Variants in GFRA2 observed in about 807,000 individuals in gnomAD.
The protein encoded by GFRA2 is GDNF family receptor alpha 2.
In GFRA2, 17 loss-of-function variants were observed where a neutral mutation model predicts 48.3. The observed-to-expected ratio is 0.35, with a 90% CI of 0.24 to 0.53. The LOEUF is 0.53. GFRA2 is among the 20% of genes least tolerant of loss of function. The pLI, the probability that GFRA2 is intolerant of heterozygous loss-of-function variation, is 0.93. For synonymous variants in GFRA2, 305 were observed against 257.2 expected (o/e 1.19, Z -1.78); for missense variants, 660 against 637.3 (o/e 1.04, Z -0.38).
At chr8:21,738,054 CA>C (rs142006405) in intron 4 of GFRA2, among the ~76,000 whole-genome samples, 13,669 of 152,046 alleles carry the variant, frequency 0.09, 651 homozygotes, top group Middle Eastern at 0.15. Flanking sequence ...TTGGATTTGA[CA>C]TTTCCTCTTG....
chr8:21,733,643 AG>A (rs1455145151), intron 4 of GFRA2, among the ~76,000 whole-genome samples: 3 of 152,234 alleles, frequency 2.0e-5, no homozygotes, highest in Non-Finnish European at 4.4e-5. Flanking sequence ...CTCTAGTTAA[AG>A]TACATCTCTC....
At chr8:21,785,843 C>G (rs1428436599) in intron 1 of GFRA2, among the ~76,000 whole-genome samples, 2 of 152,140 alleles carry the variant, frequency 1.3e-5, no homozygotes, top group Non-Finnish European at 2.9e-5. Context: ...GCCTTTGCCC[C>G]CAGCTGAAAT....
At chr8:21,726,581 G>A (rs4308720) in intron 4 of GFRA2, among the ~76,000 whole-genome samples, 125,972 of 152,038 alleles carry the variant, frequency 0.83, 52,345 homozygotes, top group Admixed American at 0.86. Context: ...GGTGGCGCCC[G>A]GCATCCGTTG....
At chr8:21,720,279 C>T in intron 4 of GFRA2, among the ~76,000 whole-genome samples, 1 of 152,130 alleles carries the variant, frequency 6.6e-6, no homozygotes, top group East Asian at 1.9e-4. Flanking sequence ...GAGCAAGACT[C>T]CAGGCACCAA....
At chr8:21,788,915 C>T, upstream of GFRA2, 1 of 505,710 alleles carries the variant, frequency 2.0e-6, no homozygotes, top group Non-Finnish European at 2.6e-6. Flanking sequence ...CCCACTCTCC[C>T]TGCTCCTCCC....
intron 1 of GFRA2, among the ~76,000 whole-genome samples, chr8:21,787,275 T>C (rs995930268): frequency 1.3e-5 from 1 of 75,700 alleles, no homozygotes; most frequent in Admixed American, 1.3e-4. Context: ...GGGGGGGCAG[T>C]GGGGGGGGTT....
At chr8:21,803,117 A>G (rs1340530655) in intron 2 of GFRA2, among the ~76,000 whole-genome samples, 10 of 152,330 alleles carry the variant, frequency 6.6e-5, no homozygotes, top group African/African-American at 1.2e-4. Context: ...AACATGTTCA[A>G]TGTACTTTGG....
At chr8:21,732,373 C>T (rs910829213) in intron 4 of GFRA2, among the ~76,000 whole-genome samples, 2 of 152,246 alleles carry the variant, frequency 1.3e-5, no homozygotes, top group African/African-American at 4.8e-5. Context: ...GTGGGAAAGG[C>T]CACTGTCCTA....
intron 2 of GFRA2, chr8:21,781,027 G>A (rs1585335585): frequency 6.6e-6 from 1 of 152,040 alleles, no homozygotes; most frequent in Non-Finnish European, 1.5e-5. Flanking sequence ...TAGGGAGGCC[G>A]AGGCGGGCCG....
intron 4 of GFRA2, among the ~76,000 whole-genome samples, chr8:21,714,922 A>G (rs1191413361): frequency 6.6e-6 from 1 of 152,178 alleles, no homozygotes; most frequent in Non-Finnish European, 1.5e-5. Context: ...GGTTTCATAG[A>G]CAATTTATGG....
rs1801888064 is a variant in GFRA2 at position 21,691,689 on chromosome 8, G to A, written c.*1589C>T. 6.6e-6 allele frequency: 1 copy of A among 152,196 alleles called. No homozygotes were observed. Among genetic ancestry groups the A allele is most frequent in the Admixed American group, 6.5e-5 (1 of 15,274 alleles). 9.4% of individuals were successfully genotyped at this position (152,196 alleles called of 1,614,324 possible). ...ATGCCAAGCTGTGGCTCCCCACCAC[G>A]TCCACGTCCACTGCATTCTCTTCCA... On this transcript the variant is annotated 3_prime_UTR_variant, in exon 9 of 9. Transcript: ENST00000524240.
In GFRA2 at chr8:21,705,980, G is replaced by C. The variant is rs1254797027; in HGVS notation, c.856C>G (p.Pro286Ala). ...RASYQTVTSC[P>A]ADNYQACLGS... Reference sequence around the variant, plus strand: ...AGACACGCCTGGTAATTGTCCGCAGGGCAGCTGGTGACCGTCTGGTAGGAG... The same window carrying C: ...AGACACGCCTGGTAATTGTCCGCAGCGCAGCTGGTGACCGTCTGGTAGGAG... The change falls in exon 5 of 9, where the codon CCT becomes GCT. Residue 286 changes from proline (P) to alanine (A), a missense_variant. Physicochemically the swap from Pro to Ala is conservative, Grantham distance 27. Coordinates refer to ENST00000524240, the MANE Select transcript of GFRA2 (RefSeq NM_001495.5). 1 of 1,579,888 alleles carries C rather than the reference G, an allele frequency of 6.3e-7. No homozygotes were observed. The highest frequency in any genetic ancestry group is 8.6e-7 in the Non-Finnish European group (1 of 1,162,580).
upstream of GFRA2, chr8:21,789,100 A>T (rs376755695): frequency 0.1 from 14,175 of 138,462 alleles, 1,350 homozygotes; most frequent in African/African-American, 0.28. Flanking sequence ...GACAAGGCGA[A>T]GGCGGTGGCG....
rs200588275 is a variant in GFRA2 at position 21,758,205 on chromosome 8, C to G, written c.440-7263G>C. Among the ~76,000 whole-genome samples, 128 of 89,206 alleles carry G rather than the reference C, an allele frequency of 1.4e-3. 1 individual carries two copies. In the East Asian group the frequency reaches 0.048, roughly 33 times the overall value. 58.5% of individuals were successfully genotyped at this position (89,206 alleles called of 152,430 possible). A position where few individuals can be genotyped will look rare whatever the true frequency, so the allele number is the denominator to read the frequency against. On this transcript the variant is annotated intron_variant, in intron 3 of 8. Coordinates refer to ENST00000524240, the MANE Select transcript of GFRA2 (RefSeq NM_001495.5). Reference sequence around the variant, plus strand: ...AGCAGGGCTGCCCTTGGCCCACTCCCCACACACACACACACACACACACCT... The same window carrying G: ...AGCAGGGCTGCCCTTGGCCCACTCCGCACACACACACACACACACACACCT...
intron 4 of GFRA2, among the ~76,000 whole-genome samples, chr8:21,728,265 G>GTTTTTT (rs34490346): frequency 3.1e-5 from 2 of 65,310 alleles, no homozygotes; most frequent in Non-Finnish European, 5.4e-5. Context: ...CGGGAACCAG[G>GTTTTTT]TTTTTTTTTT....
intron 2 of GFRA2, among the ~76,000 whole-genome samples, chr8:21,798,602 A>T (rs925554587): frequency 7.9e-4 from 120 of 152,314 alleles, no homozygotes; most frequent in Non-Finnish European, 1.3e-3. Context: ...AGGGACAAGG[A>T]TGATCAAATG....
intron 2 of GFRA2, 30 bp from the exon 3 acceptor site, chr8:21,775,085 G>T: frequency 8.7e-7 from 1 of 1,150,324 alleles, no homozygotes; most frequent in Non-Finnish European, 1.3e-6. Flanking sequence ...TCAGATGCGG[G>T]CTCCTCCGGG....
intron 3 of GFRA2, among the ~76,000 whole-genome samples, chr8:21,763,779 T>A (rs1806021604): frequency 6.6e-6 from 1 of 151,304 alleles, no homozygotes; most frequent in African/African-American, 2.4e-5. Context: ...CCCTACCCTG[T>A]CCTCAATTCC....
chr8:21,724,584 T>C (rs1429727420), intron 4 of GFRA2, among the ~76,000 whole-genome samples: 2 of 152,096 alleles, frequency 1.3e-5, no homozygotes, highest in Non-Finnish European at 2.9e-5. Flanking sequence ...GGAGGCAAAC[T>C]GGGAATGGCA....
Sources: gnomAD v4.1 joint callset for allele counts (sites outside exome capture counted in the v4.1 genomes callset) on GRCh38, gnomAD v4.1.1 for gene constraint, MANE v1.5 for transcripts, NCBI Gene and HGNC (gene_info 2026-07-23, HGNC 2026-07-21) for gene names.